The following CAMSAP2 variants were observed in gnomAD, a reference collection of about 807,000 sequenced individuals.
The protein encoded by CAMSAP2 is calmodulin regulated spectrin associated protein family member 2.
A neutral mutation model predicts 146.1 loss-of-function variants in CAMSAP2; 26 were observed. The ratio of observed to expected loss-of-function variants is 0.18; its 90% CI spans 0.13 to 0.25. The LOEUF (loss-of-function observed/expected upper bound fraction) is 0.25, where lower values mean the gene tolerates loss of function less well. Among genes scored for constraint, CAMSAP2 ranks in the 10% least tolerant of loss-of-function variants. The probability of loss-of-function intolerance (pLI) is 1.00; values close to 1 mark genes in which losing one functional copy is unlikely to be tolerated. For missense variants in CAMSAP2, 1,381 were observed against 1,759.3 expected (o/e 0.78, Z 3.85); for synonymous variants, 499 against 596.6 (o/e 0.84, Z 2.38).
intron 4 of CAMSAP2, among the ~76,000 whole-genome samples, chr1:200,819,135 G>A (rs1462637104): frequency 6.6e-6 from 1 of 152,160 alleles, no homozygotes; most frequent in Non-Finnish European, 1.5e-5. Flanking sequence ...AGATTTCAAA[G>A]GTATTTGTTT....
chr1:200,831,171 A>C (rs1012656455), intron 4 of CAMSAP2, among the ~76,000 whole-genome samples: 1 of 152,188 alleles, frequency 6.6e-6, no homozygotes, highest in Admixed American at 6.5e-5. Context: ...TTTTGCTAGC[A>C]AAATACTTTC....
At chr1:200,819,038 T>C (rs1444893413) in intron 4 of CAMSAP2, among the ~76,000 whole-genome samples, 3 of 152,342 alleles carry the variant, frequency 2.0e-5, no homozygotes, top group African/African-American at 7.2e-5. Flanking sequence ...TTATGAAATA[T>C]CTTTTTATAA....
At chr1:200,763,013 C>T (rs1664842872) in intron 2 of CAMSAP2, among the ~76,000 whole-genome samples, 1 of 152,012 alleles carries the variant, frequency 6.6e-6, no homozygotes, top group Non-Finnish European at 1.5e-5. Flanking sequence ...AATTCTTGTG[C>T]CTCAGCCTCC....
chr1:200,751,535 CAAAA>C (rs35294926), intron 1 of CAMSAP2, among the ~76,000 whole-genome samples: 3 of 41,594 alleles, frequency 7.2e-5, no homozygotes, highest in African/African-American at 8.5e-5. Context: ...GACTCCATCT[CAAAA>C]AAAAAAAAAA....
Position 200,860,175 on chromosome 1 carries a change from AATATGGAT to A in CAMSAP2, c.*2121_*2128del, listed in dbSNP as rs1255256004. On this transcript the variant is annotated 3_prime_UTR_variant, in exon 17 of 17. Transcript: ENST00000358823. ...GATTTTACTTTATTAATGCAGAAGG[AATATGGAT>A]ATATTTCTTTAAGTCTGCAGATTTT... 2.6e-5 allele frequency: 4 copies of A among 152,748 alleles called. No homozygotes were observed. The highest frequency in any genetic ancestry group is 5.9e-5 in the Non-Finnish European group (4 of 68,002). The allele number at this position is 152,748 out of a possible 1,614,324, so 9.5% of individuals were successfully genotyped here. A position where few individuals can be genotyped will look rare whatever the true frequency, so the allele number is the denominator to read the frequency against.
In CAMSAP2 at chr1:200,778,100, A is replaced by ATTTTATATAGAATCT. The variant is rs1354502415; in HGVS notation, c.399+17010_399+17024dup. Reference sequence around the variant, plus strand: ...GTGCTTTTTACAGAATCAAAAAACAATTTTATATAGAATCTTTTTATACAG... The same window carrying ATTTTATATAGAATCT: ...GTGCTTTTTACAGAATCAAAAAACAATTTTATATAGAATCTTTTTATATAGAATCTTTTTATACAG... On this transcript the variant is annotated intron_variant, in intron 2 of 16. Coordinates refer to ENST00000358823, the MANE Select transcript of CAMSAP2 (RefSeq NM_203459.4). Among the ~76,000 whole-genome samples the ATTTTATATAGAATCT allele has an allele frequency of 3.3e-5, 5 of 152,324 alleles. No individual in the cohort carries two copies. The South Asian group carries it at 1.0e-3, about 32-fold the overall frequency.
intron 4 of CAMSAP2, among the ~76,000 whole-genome samples, chr1:200,820,373 A>G (rs1666725744): frequency 6.6e-6 from 1 of 152,182 alleles, no homozygotes; most frequent in Admixed American, 6.5e-5. Flanking sequence ...TCAAAGTATT[A>G]AAGATACATG....
At chr1:200,810,912 T>TG (rs1263123607) in intron 3 of CAMSAP2, among the ~76,000 whole-genome samples, 9 of 151,838 alleles carry the variant, frequency 5.9e-5, no homozygotes, top group African/African-American at 1.7e-4. Context: ...AAAACAGACT[T>TG]GCTCTAGTGT....
intron 8 of CAMSAP2, among the ~76,000 whole-genome samples, chr1:200,845,559 T>C (rs1454687777): frequency 6.6e-6 from 1 of 152,202 alleles, no homozygotes; most frequent in East Asian, 1.9e-4. Flanking sequence ...TACTGGCATG[T>C]ATAGAAAATG....
chr1:200,779,676 G>A (rs940743045), intron 2 of CAMSAP2, among the ~76,000 whole-genome samples: 4 of 152,158 alleles, frequency 2.6e-5, no homozygotes, highest in African/African-American at 9.7e-5. Flanking sequence ...CAAAGGTGTA[G>A]GATATAGAAT....
At position 200,817,203 on chromosome 1, in the gene CAMSAP2, T is replaced by TAC. The variant is rs1279999603; in HGVS notation, c.645+1565_645+1566dup. ...ACACACACACACATGTGTGTGTGTATACACACATACACACATATGTGTGTG... is the reference window on the plus strand; with the variant it reads ...ACACACACACACATGTGTGTGTGTATACACACACATACACACATATGTGTGTG... On this transcript the variant is annotated intron_variant, in intron 4 of 16. Coordinates refer to ENST00000358823, the MANE Select transcript of CAMSAP2 (RefSeq NM_203459.4). 2.0e-3 allele frequency among the ~76,000 whole-genome samples: 195 copies of TAC among 99,754 alleles called. 2 individuals carry two copies. The highest frequency in any genetic ancestry group is 4.5e-3 in the Middle Eastern group (1 of 224). The allele number at this position is 99,754 out of a possible 152,430, so 65.4% of individuals were successfully genotyped here. A position where few individuals can be genotyped will look rare whatever the true frequency, so the allele number is the denominator to read the frequency against.
At chr1:200,819,599 C>T (rs1019113750) in intron 4 of CAMSAP2, among the ~76,000 whole-genome samples, 2 of 152,050 alleles carry the variant, frequency 1.3e-5, no homozygotes, top group Non-Finnish European at 2.9e-5. Flanking sequence ...TTTACAAAGG[C>T]ACTTGACCTC....
intron 6 of CAMSAP2, among the ~76,000 whole-genome samples, chr1:200,839,007 G>C (rs1667251070): frequency 6.6e-6 from 1 of 152,138 alleles, no homozygotes; most frequent in African/African-American, 2.4e-5. Context: ...ACATTTGTAG[G>C]GAAGGTCACT....
chr1:200,772,339 T>C (rs1288456285), intron 2 of CAMSAP2, among the ~76,000 whole-genome samples: 1 of 152,194 alleles, frequency 6.6e-6, no homozygotes, highest in Non-Finnish European at 1.5e-5. Context: ...CTGGGCACAG[T>C]GACTCACACC....
chr1:200,847,483 G>A (rs1667490462), intron 9 of CAMSAP2, among the ~76,000 whole-genome samples, 157 bp from the exon 10 acceptor site: 1 of 151,858 alleles, frequency 6.6e-6, no homozygotes, highest in South Asian at 2.1e-4. Flanking sequence ...GTTTCACTGT[G>A]GTTGCTTTTC....
chr1:200,859,671 T>C lies in CAMSAP2; in HGVS notation c.*1612T>C, dbSNP rs905326534. On this transcript the variant is annotated 3_prime_UTR_variant, in exon 17 of 17. Transcript: ENST00000358823. ...TCAAAACTATTTGTGATCTACTGTT[T>C]GCATGTAAGAGACCAGGATATGTAA... 3 of 152,236 alleles carry C rather than the reference T, an allele frequency of 2.0e-5. No homozygotes were observed. The highest frequency in any genetic ancestry group is 4.4e-5 in the Non-Finnish European group (3 of 67,916). 9.4% of individuals were successfully genotyped at this position (152,236 alleles called of 1,614,324 possible).
chr1:200,785,664 A>G (rs1665568253), intron 2 of CAMSAP2, among the ~76,000 whole-genome samples: 1 of 151,584 alleles, frequency 6.6e-6, no homozygotes, highest in Non-Finnish European at 1.5e-5. Context: ...TGCTGGGATT[A>G]TAGGCGTGAG....
intron 4 of CAMSAP2, among the ~76,000 whole-genome samples, chr1:200,830,575 G>A (rs918668193): frequency 6.6e-6 from 1 of 152,220 alleles, no homozygotes; most frequent in African/African-American, 2.4e-5. Context: ...TACTAATTGT[G>A]AGAACGGTAG....
At chr1:200,854,204 A>T (rs1320934685) in intron 13 of CAMSAP2, among the ~76,000 whole-genome samples, 1 of 151,998 alleles carries the variant, frequency 6.6e-6, no homozygotes, top group African/African-American at 2.4e-5. Context: ...CTGGTCTCGA[A>T]CTCTTGGGCT....
Sources: gnomAD v4.1 joint callset for allele counts (sites outside exome capture counted in the v4.1 genomes callset) on GRCh38, gnomAD v4.1.1 for gene constraint, MANE v1.5 for transcripts, NCBI Gene and HGNC (gene_info 2026-07-23, HGNC 2026-07-21) for gene names.